GALNT12: variants seen among roughly 807,000 people sequenced by gnomAD.
GALNT12 encodes the protein polypeptide N-acetylgalactosaminyltransferase 12.
Under a neutral mutation model 55.5 loss-of-function variants are expected in GALNT12, and 45 were observed. That is an observed-to-expected ratio of 0.81 (90% CI 0.64 to 1.04). The LOEUF (loss-of-function observed/expected upper bound fraction) is 1.04, where lower values mean the gene tolerates loss of function less well. Ranked by LOEUF, GALNT12 falls within the 50% of genes least tolerant of loss-of-function variation. The probability of loss-of-function intolerance (pLI) is 0.00; values close to 1 mark genes in which losing one functional copy is unlikely to be tolerated. For missense variants in GALNT12, 709 were observed against 754.8 expected (o/e 0.94, Z 0.71); for synonymous variants, 304 against 312.2 (o/e 0.97, Z 0.28).
At chr9:98,848,319 G>A (rs1351352718) in intron 9 of GALNT12, among the ~76,000 whole-genome samples, 3 of 152,050 alleles carry the variant, frequency 2.0e-5, no homozygotes, top group Non-Finnish European at 4.4e-5. Flanking sequence ...TAACAGAGAG[G>A]CAGAGGGAAA....
rs371139961 is a variant in GALNT12 at position 98,827,930 on chromosome 9, C to T, written c.731+989C>T. Among the ~76,000 whole-genome samples, 62 of 152,322 alleles carry T rather than the reference C, an allele frequency of 4.1e-4. 1 individual carries two copies. In the South Asian group the frequency reaches 0.013, roughly 31 times the overall value. On this transcript the variant is annotated intron_variant, in intron 3 of 9. Transcript: ENST00000375011. ...CCTACCTTCCCCCCTCAAGAAGCCA[C>T]CATCTACTGGGGCCCACTTTTTGTT...
At chr9:98,830,624 G>A (rs1353758734) in intron 3 of GALNT12, among the ~76,000 whole-genome samples, 1 of 152,242 alleles carries the variant, frequency 6.6e-6, no homozygotes, top group East Asian at 1.9e-4. Flanking sequence ...GCTAGAACTT[G>A]CCCAGCAGGT....
chr9:98,818,937 A>C (rs1835675153), intron 1 of GALNT12, among the ~76,000 whole-genome samples: 1 of 152,126 alleles, frequency 6.6e-6, no homozygotes. Flanking sequence ...TGAAGGCATA[A>C]TTGGGTGGGG....
intron 1 of GALNT12, among the ~76,000 whole-genome samples, chr9:98,816,121 G>A (rs10987794): frequency 0.28 from 43,274 of 151,970 alleles, 6,810 homozygotes; most frequent in East Asian, 0.36. Flanking sequence ...ATTGTTTGCA[G>A]CTTTTTGCTA....
rs115723809 is a variant in GALNT12, at chr9:98,849,541, G to C, written c.*449G>C. The C allele has an allele frequency of 7.1e-4, 330 of 467,254 alleles. 2 individuals are homozygous for C. The highest frequency in any genetic ancestry group is 5.7e-3 in the African/African-American group (284 of 50,048). 28.9% of individuals were successfully genotyped at this position (467,254 alleles called of 1,614,324 possible). A position where few individuals can be genotyped will look rare whatever the true frequency, so the allele number is the denominator to read the frequency against. ...CTTTGCATTAACTGATAATACCTCAGCTGCGGGGTTAAAGTTTTCCCAGTA... is the reference window on the plus strand; with the variant it reads ...CTTTGCATTAACTGATAATACCTCACCTGCGGGGTTAAAGTTTTCCCAGTA... On this transcript the variant is annotated 3_prime_UTR_variant, in exon 10 of 10. Coordinates refer to ENST00000375011, the MANE Select transcript of GALNT12 (RefSeq NM_024642.5).
intron 1 of GALNT12, among the ~76,000 whole-genome samples, chr9:98,821,982 C>G (rs976555361): frequency 3.9e-5 from 6 of 152,156 alleles, no homozygotes; most frequent in African/African-American, 1.4e-4. Context: ...ATCTGACATG[C>G]GGTAGGTGCT....
chr9:98,826,656 T>C (rs573484264), intron 2 of GALNT12, 96 bp from the exon 3 acceptor site: 1 of 1,190,066 alleles, frequency 8.4e-7, no homozygotes, highest in Admixed American at 2.0e-5. Context: ...TTTCATCTTC[T>C]GTTTGGGACA....
In GALNT12 at chr9:98,837,005, C is replaced by A. The variant is rs1223719188; in HGVS notation, c.1069C>A (p.Pro357Thr). ...WQCGGVLETH[P>T]CSHVGHVFPK... ...GTGTGGTGGGGTTCTGGAAACACACCCATGTTCCCATGTTGGCCATGTTTT... is the reference window on the plus strand; with the variant it reads ...GTGTGGTGGGGTTCTGGAAACACACACATGTTCCCATGTTGGCCATGTTTT... Residue 357 changes from proline (P) to threonine (T), a missense_variant, in exon 6 of 10, where the codon CCA (proline) becomes ACA (threonine). Physicochemically the swap from Pro to Thr is conservative, Grantham distance 38. Transcript: ENST00000375011. 6.2e-7 allele frequency: 1 copy of A among 1,614,144 alleles called. No homozygotes were observed. Among genetic ancestry groups the A allele is most frequent in the South Asian group, 1.1e-5 (1 of 91,076 alleles).
chr9:98,808,185 G>C (rs1835420371), intron 1 of GALNT12, 116 bp downstream of exon 1: 1 of 763,834 alleles, frequency 1.3e-6, no homozygotes, highest in Non-Finnish European at 2.1e-6. Context: ...GTCTTATTGA[G>C]TCTTTCTCCG....
intron 7 of GALNT12, among the ~76,000 whole-genome samples, chr9:98,843,661 T>C (rs7037185): frequency 0.81 from 123,276 of 152,226 alleles, 50,630 homozygotes; most frequent in East Asian, 1. Flanking sequence ...CCTGCCTCCG[T>C]CTCCCAAAGT....
In GALNT12 at chr9:98,815,836, C is replaced by T. The variant is rs528403300; in HGVS notation, c.372-7420C>T. On this transcript the variant is annotated intron_variant, in intron 1 of 9. Coordinates refer to ENST00000375011, the MANE Select transcript of GALNT12 (RefSeq NM_024642.5). ...ATTGTTTATTGTTTATGCGTGAACG[C>T]GCTCACATACACGTTGTTGTTTCTA... Among the ~76,000 whole-genome samples, 23 of 152,328 alleles carry T rather than the reference C, an allele frequency of 1.5e-4. No individual in the cohort carries two copies. The East Asian group carries it at 2.1e-3, about 14-fold the overall frequency.
chr9:98,827,558 A>G (rs1040146283), intron 3 of GALNT12, among the ~76,000 whole-genome samples: 1 of 152,212 alleles, frequency 6.6e-6, no homozygotes, highest in East Asian at 1.9e-4. Flanking sequence ...TCAGTCAAAT[A>G]GAATGGCACT....
Position 98,814,689 on chromosome 9 carries a change from GA to G in GALNT12, c.371+6633del, listed in dbSNP as rs776065355. Among the ~76,000 whole-genome samples the G allele has an allele frequency of 2.7e-3, 363 of 133,038 alleles. 1 individual carries two copies. The highest frequency in any genetic ancestry group is 0.011 in the South Asian group (46 of 4,166). The allele number at this position is 133,038 out of a possible 152,430, so 87.3% of individuals were successfully genotyped here. ...CCCACCACTGCACTCCAGCCTGGGT[GA>G]AAAAAAAAAAAAGGAAGATCAAGAG... On this transcript the variant is annotated intron_variant, in intron 1 of 9. Coordinates refer to ENST00000375011, the MANE Select transcript of GALNT12 (RefSeq NM_024642.5).
intron 7 of GALNT12, 55 bp downstream of exon 7, chr9:98,840,188 T>C: frequency 6.2e-7 from 1 of 1,608,704 alleles, no homozygotes; most frequent in Non-Finnish European, 8.5e-7. Flanking sequence ...CCTCTGGGTC[T>C]GCTCTGCAAA....
At chr9:98,829,219 C>T (rs1003157996) in intron 3 of GALNT12, among the ~76,000 whole-genome samples, 2 of 151,594 alleles carry the variant, frequency 1.3e-5, no homozygotes, top group Admixed American at 1.3e-4. Flanking sequence ...GACAGAGTCT[C>T]GCTCTGTTGC....
rs142590005 is a variant in GALNT12, at chr9:98,808,918, C to G, written c.371+849C>G. On this transcript the variant is annotated intron_variant, in intron 1 of 9. Transcript: ENST00000375011. ...CTTTTTTGAGCCCCTTCCTTACAGACTTTGAGGAAAAGAGGACTCAGAGAG... is the reference window on the plus strand; with the variant it reads ...CTTTTTTGAGCCCCTTCCTTACAGAGTTTGAGGAAAAGAGGACTCAGAGAG... 3.9e-5 allele frequency among the ~76,000 whole-genome samples: 6 copies of G among 152,350 alleles called. No homozygotes were observed. In the East Asian group the frequency reaches 1.2e-3, roughly 29 times the overall value.
At chr9:98,815,874 T>G (rs1356455683) in intron 1 of GALNT12, among the ~76,000 whole-genome samples, 1 of 152,268 alleles carries the variant, frequency 6.6e-6, no homozygotes, top group Non-Finnish European at 1.5e-5. Context: ...ATTGGCTATC[T>G]GTAGATTTCT....
At position 98,823,259 on chromosome 9, in the gene GALNT12, C is replaced by T. The variant is rs114902755; in HGVS notation, c.375C>T (p.Cys125=). 1,677 of 1,614,040 alleles carry T rather than the reference C, an allele frequency of 1.0e-3. 13 individuals are homozygous for T. In the African/African-American group the frequency reaches 0.019, roughly 18 times the overall value. The change falls in exon 2 of 10, where the codon TGC becomes TGT. Residue 125 remains cysteine (C), a synonymous_variant. Coordinates refer to ENST00000375011, the MANE Select transcript of GALNT12 (RefSeq NM_024642.5). ...RRLPERWNPL[C]KEKKYDYDNL... ...TGAAGTTCCGCTGTATTTGCAGGTG[C>T]AAAGAGAAGAAATATGATTATGATA...
intron 7 of GALNT12, among the ~76,000 whole-genome samples, chr9:98,841,727 A>G (rs950469894): frequency 6.6e-6 from 1 of 151,584 alleles, no homozygotes; most frequent in African/African-American, 2.4e-5. Flanking sequence ...CTGGAGTGCA[A>G]TGGCGCGCTC....
Sources: gnomAD v4.1 joint callset for allele counts (sites outside exome capture counted in the v4.1 genomes callset) on GRCh38, gnomAD v4.1.1 for gene constraint, MANE v1.5 for transcripts, NCBI Gene and HGNC (gene_info 2026-07-23, HGNC 2026-07-21) for gene names.